The following SCN11A variants were observed in gnomAD, a reference collection of about 807,000 sequenced individuals.
The protein encoded by SCN11A is sodium channel protein type 11 subunit alpha.
A neutral mutation model predicts 162.2 loss-of-function variants in SCN11A; 122 were observed. The observed-to-expected ratio is 0.75, with a 90% confidence interval of 0.65 to 0.87. The LOEUF (loss-of-function observed/expected upper bound fraction) is 0.87, where lower values mean the gene tolerates loss of function less well. Among genes scored for constraint, SCN11A ranks in the 40% least tolerant of loss-of-function variants. SCN11A has a pLI of 0.00. For missense variants in SCN11A, 2,015 were observed against 2,181.6 expected (o/e 0.92, Z 1.52); for synonymous variants, 758 against 751.5 (o/e 1.01, Z -0.14).
intron 2 of SCN11A, among the ~76,000 whole-genome samples, chr3:39,020,885 A>G (rs1018683086): frequency 3.3e-5 from 5 of 152,212 alleles, no homozygotes; most frequent in African/African-American, 4.8e-5. Flanking sequence ...ATGCATCAAA[A>G]TTTCTGGGAA....
intron 4 of SCN11A, among the ~76,000 whole-genome samples, chr3:38,951,969 C>G (rs144729813): frequency 2.0e-5 from 3 of 152,266 alleles, no homozygotes; most frequent in Admixed American, 1.3e-4. Context: ...CCCTTCCACA[C>G]TGTGGAAGCT....
intron 28 of SCN11A, among the ~76,000 whole-genome samples, chr3:38,858,805 G>A (rs762968899): frequency 2.5e-4 from 38 of 152,018 alleles, no homozygotes; most frequent in Middle Eastern, 6.8e-3. Flanking sequence ...TAAGAAAATC[G>A]AAATCATATC....
At chr3:38,994,111 G>T (rs1021177272) in intron 2 of SCN11A, among the ~76,000 whole-genome samples, 11 of 152,112 alleles carry the variant, frequency 7.2e-5, no homozygotes, top group African/African-American at 2.7e-4. Context: ...TAAATTCTGT[G>T]CATCCAAGTC....
In SCN11A at chr3:38,880,024, G is replaced by C; in HGVS notation, c.3319C>G (p.Leu1107Val). ...FTHIFILEMV[L>V]KWVAFGFGKY... ...CCAAATCCGAAGGCTACCCATTTTAGTACCATCTCCAGGATAAAAATATGT... is the reference window on the plus strand; with the variant it reads ...CCAAATCCGAAGGCTACCCATTTTACTACCATCTCCAGGATAAAAATATGT... The change falls in exon 23 of 30, where the codon CTA (leucine) becomes GTA (valine). Residue 1107 changes from leucine to valine, a missense_variant. By Grantham distance (32) the Leu-to-Val change is conservative. Transcript: ENST00000302328. The C allele has an allele frequency of 6.2e-7, 1 of 1,611,854 alleles. No individual in the cohort carries two copies.
chr3:38,911,005 T>C (rs1010711365), intron 11 of SCN11A, among the ~76,000 whole-genome samples: 14 of 152,214 alleles, frequency 9.2e-5, no homozygotes, highest in Admixed American at 6.5e-5. Flanking sequence ...ATCAATTGTA[T>C]AATTCTTTAA....
intron 2 of SCN11A, among the ~76,000 whole-genome samples, chr3:38,979,063 G>T (rs1485610652): frequency 6.6e-6 from 1 of 152,126 alleles, no homozygotes; most frequent in African/African-American, 2.4e-5. Context: ...CTTTTCCCAG[G>T]GACAGTTTTG....
chr3:39,012,050 G>T (rs1006367328), intron 2 of SCN11A, among the ~76,000 whole-genome samples: 1 of 152,194 alleles, frequency 6.6e-6, no homozygotes, highest in South Asian at 2.1e-4. Context: ...CTGGGGCCAG[G>T]AGCAGTGGCT....
chr3:38,949,588 T>C (rs917112555), intron 5 of SCN11A, among the ~76,000 whole-genome samples: 3 of 152,244 alleles, frequency 2.0e-5, no homozygotes, highest in African/African-American at 4.8e-5. Context: ...ATCTTGTTGC[T>C]ATAATGAGCA....
At chr3:38,945,353 T>C (rs2066500142) in intron 7 of SCN11A, 58 bp downstream of exon 7, 1 of 1,059,796 alleles carries the variant, frequency 9.4e-7, no homozygotes, top group Non-Finnish European at 1.4e-6. Flanking sequence ...AATCATTAAC[T>C]GTCTTAGGTA....
chr3:39,036,272 G>A (rs55991947), intron 1 of SCN11A, among the ~76,000 whole-genome samples: 22,057 of 152,140 alleles, frequency 0.14, 2,198 homozygotes, highest in Non-Finnish European at 0.21. Context: ...GGCCTCCCAA[G>A]TAGCTGGGAT....
chr3:38,899,777 T>A (rs758138585), intron 17 of SCN11A, 117 bp downstream of exon 17: 3 of 776,266 alleles, frequency 3.9e-6, no homozygotes, highest in African/African-American at 3.5e-5. Context: ...CAGTTTTGGT[T>A]CTGGGGTTAA....
chr3:38,929,562 T>C (rs2066206705), intron 7 of SCN11A, among the ~76,000 whole-genome samples: 1 of 152,242 alleles, frequency 6.6e-6, no homozygotes, highest in Admixed American at 6.5e-5. Context: ...ATGTGTACTT[T>C]GTCACAATTT....
At chr3:38,939,772 G>A (rs903064334) in intron 7 of SCN11A, among the ~76,000 whole-genome samples, 18 of 151,926 alleles carry the variant, frequency 1.2e-4, no homozygotes, top group Middle Eastern at 3.4e-3. Flanking sequence ...GTGTGGTGGC[G>A]CATGCCTGTA....
At chr3:38,993,981 G>A (rs1179868404) in intron 2 of SCN11A, among the ~76,000 whole-genome samples, 1 of 152,168 alleles carries the variant, frequency 6.6e-6, no homozygotes, top group Non-Finnish European at 1.5e-5. Context: ...GTCCCAGTGC[G>A]GTGCAGCCCT....
chr3:39,005,577 T>C (rs1450077984), intron 2 of SCN11A, among the ~76,000 whole-genome samples: 1 of 152,262 alleles, frequency 6.6e-6, no homozygotes, highest in Non-Finnish European at 1.5e-5. Flanking sequence ...TTTACAGTCC[T>C]GGTTCCCCAA....
At position 38,925,441 on chromosome 3, in the gene SCN11A, G is replaced by C. The variant is rs2125552666; in HGVS notation, c.686C>G (p.Ala229Gly). The C allele has an allele frequency of 1.9e-6, 3 of 1,613,146 alleles. No individual in the cohort carries two copies. Among genetic ancestry groups the C allele is most frequent in the Non-Finnish European group, 2.5e-6 (3 of 1,179,106 alleles). Reference protein sequence around the residue: ...LPLRTFRVFRALKAISVVSRL... With the variant: ...LPLRTFRVFRGLKAISVVSRL... Reference sequence around the variant, plus strand: ...TGAAACTACTGAAATTGCTTTCAAAGCTCTGAACACACGGAAGGTACGCAG... The same window carrying C: ...TGAAACTACTGAAATTGCTTTCAAACCTCTGAACACACGGAAGGTACGCAG... The change falls in exon 9 of 30, where the codon GCT becomes GGT. Residue 229 changes from alanine (A) to glycine (G), a missense_variant. Physicochemically the swap from Ala to Gly is moderately conservative, Grantham distance 60. Transcript: ENST00000302328.
intron 5 of SCN11A, among the ~76,000 whole-genome samples, chr3:38,949,768 C>A (rs1191519377): frequency 3.3e-5 from 5 of 152,186 alleles, no homozygotes; most frequent in Non-Finnish European, 7.4e-5. Flanking sequence ...TAAAGCCAAT[C>A]AATTGAAATG....
chr3:38,908,148 A>C (rs765743195), intron 13 of SCN11A, 26 bp from the exon 14 acceptor site: 1 of 1,600,500 alleles, frequency 6.2e-7, no homozygotes, highest in South Asian at 1.1e-5. Flanking sequence ...AAGCAATTAA[A>C]GAACAGATTA....
At position 38,872,616 on chromosome 3, in the gene SCN11A, C is replaced by T. The variant is rs116407170; in HGVS notation, c.3394-322G>A. Among the ~76,000 whole-genome samples the T allele has an allele frequency of 7.9e-3, 1,205 of 152,142 alleles. 20 individuals are homozygous for T. Among genetic ancestry groups the T allele is most frequent in the African/African-American group, 0.028 (1,157 of 41,500 alleles). The stretch of plus-strand genomic sequence containing the variant: ...GAAATTTATTATGATAGTCAATTGC[C>T]ATAACAAAGATCTTTATGGTGAATT... On this transcript the variant is annotated intron_variant, in intron 23 of 29. Coordinates refer to ENST00000302328, the MANE Select transcript of SCN11A (RefSeq NM_001349253.2).
Sources: allele counts gnomAD v4.1 joint callset (sites outside exome capture counted in the v4.1 genomes callset), GRCh38; gene constraint gnomAD v4.1.1; transcripts MANE v1.5; gene names NCBI Gene and HGNC (gene_info 2026-07-23, HGNC 2026-07-21).